TOX: variants seen among roughly 807,000 people sequenced by gnomAD.
TOX encodes the protein thymocyte selection-associated high mobility group box protein TOX.
TOX carries 11 observed loss-of-function variants against 53.7 expected under a neutral mutation model. That is an observed-to-expected ratio of 0.20 (90% confidence interval 0.13 to 0.34). The LOEUF is 0.34. Ranked by LOEUF, TOX falls within the 10% of genes least tolerant of loss-of-function variation. TOX has a pLI of 1.00. For missense variants in TOX, 570 were observed against 664.6 expected (o/e 0.86, Z 1.56); for synonymous variants, 225 against 245.3 (o/e 0.92, Z 0.77).
At chr8:59,049,431 TA>T (rs1803750116) in intron 1 of TOX, among the ~76,000 whole-genome samples, 2 of 152,220 alleles carry the variant, frequency 1.3e-5, no homozygotes, top group African/African-American at 4.8e-5. Flanking sequence ...TGAAAAGATC[TA>T]GAACTTCAAT....
intron 1 of TOX, among the ~76,000 whole-genome samples, chr8:59,058,876 T>G (rs918990066): frequency 7.2e-5 from 11 of 152,196 alleles, no homozygotes; most frequent in Admixed American, 1.3e-4. Flanking sequence ...TTTCTCTCAA[T>G]GAAGAAAGTT....
intron 1 of TOX, among the ~76,000 whole-genome samples, chr8:58,968,035 CAG>C (rs1812934712): frequency 1.3e-5 from 2 of 152,252 alleles, no homozygotes; most frequent in African/African-American, 4.8e-5. Context: ...ACTTATGAAA[CAG>C]TGATAAATAG....
chr8:59,063,911 TG>T, intron 1 of TOX, among the ~76,000 whole-genome samples: 1 of 152,148 alleles, frequency 6.6e-6, no homozygotes, highest in Admixed American at 6.5e-5. Context: ...TGTGTGTGTG[TG>T]TTCGTGTGTG....
intron 1 of TOX, among the ~76,000 whole-genome samples, chr8:59,095,568 G>C (rs934951458): frequency 6.6e-6 from 1 of 151,728 alleles, no homozygotes; most frequent in Non-Finnish European, 1.5e-5. Flanking sequence ...CACCATGCCC[G>C]GCTAATTTTT....
intron 1 of TOX, among the ~76,000 whole-genome samples, chr8:59,089,045 A>G (rs550973172): frequency 1.0e-3 from 156 of 152,332 alleles, no homozygotes; most frequent in African/African-American, 3.6e-3. Context: ...AGAATTTATA[A>G]TAGTTCTCCA....
intron 1 of TOX, among the ~76,000 whole-genome samples, chr8:58,963,314 T>TATATATATATATATAG (rs71557744): frequency 7.7e-6 from 1 of 130,648 alleles, no homozygotes; most frequent in African/African-American, 2.7e-5. Flanking sequence ...TAGATATATA[T>TATATATATATATATAG]ATAGATAGAT....
chr8:59,006,349 G>C (rs1813792542), intron 1 of TOX, among the ~76,000 whole-genome samples: 1 of 152,212 alleles, frequency 6.6e-6, no homozygotes, highest in Non-Finnish European at 1.5e-5. Context: ...TCTGCCACTG[G>C]CTTTTACAGT....
intron 4 of TOX, 143 bp from the exon 5 acceptor site, chr8:58,838,454 T>C (rs571049368): frequency 1.5e-6 from 1 of 668,348 alleles, no homozygotes; most frequent in Admixed American, 3.0e-5. Flanking sequence ...ATTGTTTTGT[T>C]ATTTTTTTTT....
At chr8:59,093,512 T>A (rs1804661017) in intron 1 of TOX, among the ~76,000 whole-genome samples, 1 of 152,220 alleles carries the variant, frequency 6.6e-6, no homozygotes, top group Admixed American at 6.5e-5. Flanking sequence ...CTTATGAATG[T>A]TGTTTCTTCA....
At chr8:59,084,548 C>A (rs1023669895) in intron 1 of TOX, among the ~76,000 whole-genome samples, 5 of 152,252 alleles carry the variant, frequency 3.3e-5, no homozygotes, top group Admixed American at 6.5e-5. Context: ...TTAGCATTAA[C>A]ACTGATGAAA....
intron 1 of TOX, among the ~76,000 whole-genome samples, chr8:59,114,450 C>A (rs1353503760): frequency 3.3e-5 from 5 of 152,132 alleles, no homozygotes; most frequent in Non-Finnish European, 1.5e-5. Flanking sequence ...GGCCAAAAAA[C>A]CATGATTGCT....
At chr8:58,844,084 G>C (rs1483349720) in intron 4 of TOX, among the ~76,000 whole-genome samples, 1 of 152,150 alleles carries the variant, frequency 6.6e-6, no homozygotes, top group African/African-American at 2.4e-5. Flanking sequence ...CGGACTTCTT[G>C]CATAGATGGA....
chr8:59,034,523 T>G (rs773731687), intron 1 of TOX, among the ~76,000 whole-genome samples: 22 of 151,736 alleles, frequency 1.4e-4, no homozygotes, highest in Admixed American at 5.9e-4. Context: ...ACTTCCTATC[T>G]CCTTTAAAAT....
At chr8:58,920,429 CCAT>C (rs1812046199) in intron 3 of TOX, among the ~76,000 whole-genome samples, 1 of 57,654 alleles carries the variant, frequency 1.7e-5, no homozygotes, top group Non-Finnish European at 3.2e-5. Context: ...AAATTGGAAA[CCAT>C]CATTCTCAGT....
At chr8:59,112,349 C>G (rs1395855593) in intron 1 of TOX, among the ~76,000 whole-genome samples, 1 of 152,202 alleles carries the variant, frequency 6.6e-6, no homozygotes, top group Non-Finnish European at 1.5e-5. Context: ...CCATTATAAA[C>G]CACATTTCTA....
intron 1 of TOX, among the ~76,000 whole-genome samples, chr8:58,979,882 G>A (rs985003912): frequency 6.6e-6 from 1 of 152,166 alleles, no homozygotes; most frequent in African/African-American, 2.4e-5. Flanking sequence ...AGCATAGAAA[G>A]TTGGTACATA....
chr8:58,915,841 A>G lies in TOX; in HGVS notation c.411+23461T>C, dbSNP rs1190106303. Reference sequence around the variant, plus strand: ...AGAATGTATAACTAGAATAACCAATACAGAGAAGTGCTTAAAGGAGCTGAT... The same window carrying G: ...AGAATGTATAACTAGAATAACCAATGCAGAGAAGTGCTTAAAGGAGCTGAT... On this transcript the variant is annotated intron_variant, in intron 3 of 8. Coordinates refer to ENST00000361421, the MANE Select transcript of TOX (RefSeq NM_014729.3). Among the ~76,000 whole-genome samples, 867 of 139,996 alleles carry G rather than the reference A, an allele frequency of 6.2e-3. 7 individuals carry two copies. The highest frequency in any genetic ancestry group is 0.022 in the African/African-American group (828 of 36,878). The allele number at this position is 139,996 out of a possible 152,430, so 91.8% of individuals were successfully genotyped here. A position where few individuals can be genotyped will look rare whatever the true frequency, so the allele number is the denominator to read the frequency against.
chr8:59,058,492 C>G (rs977752367), intron 1 of TOX, among the ~76,000 whole-genome samples: 1 of 152,092 alleles, frequency 6.6e-6, no homozygotes, highest in Non-Finnish European at 1.5e-5. Context: ...AAGGAGACAC[C>G]TTTGATAATT....
chr8:59,108,687 T>C (rs78619365), intron 1 of TOX, among the ~76,000 whole-genome samples: 2,415 of 126,382 alleles, frequency 0.019, 60 homozygotes, highest in African/African-American at 0.088. Context: ...CACACACACA[T>C]ACACACACAA....
Sources: allele counts gnomAD v4.1 joint callset (sites outside exome capture counted in the v4.1 genomes callset), GRCh38; gene constraint gnomAD v4.1.1; transcripts MANE v1.5; gene names NCBI Gene and HGNC (gene_info 2026-07-23, HGNC 2026-07-21).